The following DDX60 variants were observed in gnomAD, a reference collection of about 807,000 sequenced individuals.
The protein encoded by DDX60 is probable ATP-dependent RNA helicase DDX60.
DDX60 carries 165 observed loss-of-function variants against 212.8 expected under a neutral mutation model. That is an observed-to-expected ratio of 0.78 (90% CI 0.68 to 0.88). The LOEUF is 0.88. Among genes scored for constraint, DDX60 ranks in the 40% least tolerant of loss-of-function variants. The pLI is 0.00. For synonymous variants in DDX60, 703 were observed against 685.3 expected, an observed-to-expected ratio of 1.03 and a Z score of -0.40; for missense variants, 1,905 against 2,003.9, an observed-to-expected ratio of 0.95 and a Z score of 0.94.
intron 34 of DDX60, among the ~76,000 whole-genome samples, chr4:168,224,685 AT>A (rs1054109821): frequency 6.6e-6 from 1 of 152,052 alleles, no homozygotes; most frequent in African/African-American, 2.4e-5. Flanking sequence ...TCAGAGAATT[AT>A]TGTTATTACC....
intron 33 of DDX60, among the ~76,000 whole-genome samples, chr4:168,226,625 T>A (rs545615237): frequency 6.6e-6 from 1 of 152,198 alleles, no homozygotes; most frequent in East Asian, 1.9e-4. Context: ...TCAGGGTAAA[T>A]GGGGTATCCA....
At chr4:168,297,295 GACGAAAGAAAGA>G (rs1400040701) in intron 6 of DDX60, among the ~76,000 whole-genome samples, 1 of 89,582 alleles carries the variant, frequency 1.1e-5, no homozygotes, top group Middle Eastern at 5.1e-3. Flanking sequence ...GAGAGAGAGA[GACGAAAGAAAGA>G]AAGAAAGAAA....
intron 1 of DDX60, among the ~76,000 whole-genome samples, chr4:168,312,020 G>C (rs1737155612): frequency 6.6e-6 from 1 of 152,156 alleles, no homozygotes; most frequent in Admixed American, 6.6e-5. Context: ...ATGATAATTT[G>C]ATGTAATATA....
chr4:168,298,884 C>T (rs773310319), intron 6 of DDX60, among the ~76,000 whole-genome samples: 2 of 151,942 alleles, frequency 1.3e-5, no homozygotes, highest in South Asian at 2.1e-4. Context: ...TGAACGTAGC[C>T]GGGCACGGTG....
At chr4:168,290,328 CT>C (rs547452038) in intron 8 of DDX60, among the ~76,000 whole-genome samples, 33,836 of 123,900 alleles carry the variant, frequency 0.27, 3,470 homozygotes, top group African/African-American at 0.38. Context: ...CTTTTCTTTT[CT>C]TTTTTTTTTT....
intron 6 of DDX60, among the ~76,000 whole-genome samples, chr4:168,300,987 T>G (rs1466044831): frequency 1.3e-5 from 2 of 152,160 alleles, no homozygotes; most frequent in African/African-American, 2.4e-5. Flanking sequence ...AAGAGTTACC[T>G]GCTGAGTACA....
At position 168,284,762 on chromosome 4, in the gene DDX60, A is replaced by G. The variant is rs571677489; in HGVS notation, c.1561+58T>C. 34 of 846,554 alleles carry G rather than the reference A, an allele frequency of 4.0e-5. 1 individual carries two copies. In the South Asian group the frequency reaches 9.3e-4, roughly 23 times the overall value. The allele number at this position is 846,554 out of a possible 1,614,324, so 52.4% of individuals were successfully genotyped here. A position where few individuals can be genotyped will look rare whatever the true frequency, so the allele number is the denominator to read the frequency against. Reference sequence around the variant, plus strand: ...TCTTATGATAATTTTCCACTATAAAATAAGAGGCAGAGAGTAAAGTAGATT... The same window carrying G: ...TCTTATGATAATTTTCCACTATAAAGTAAGAGGCAGAGAGTAAAGTAGATT... On this transcript the variant is annotated intron_variant, in intron 12 of 37. Coordinates refer to ENST00000393743, the MANE Select transcript of DDX60 (RefSeq NM_017631.6).
At chr4:168,307,689 A>G (rs543691068) in intron 4 of DDX60, among the ~76,000 whole-genome samples, 9 of 152,294 alleles carry the variant, frequency 5.9e-5, no homozygotes, top group Admixed American at 2.6e-4. Flanking sequence ...TGAGTTTTGA[A>G]AACAGAAATA....
At chr4:168,250,017 G>T (rs1217436095) in intron 28 of DDX60, among the ~76,000 whole-genome samples, 1 of 152,060 alleles carries the variant, frequency 6.6e-6, no homozygotes, top group Non-Finnish European at 1.5e-5. Context: ...TATTACTAAA[G>T]ATCCAAATTT....
At chr4:168,232,612 G>A (rs998594957) in intron 33 of DDX60, among the ~76,000 whole-genome samples, 1 of 151,954 alleles carries the variant, frequency 6.6e-6, no homozygotes, top group African/African-American at 2.4e-5. Context: ...AATGGGGAAA[G>A]GACACCCTAT....
At chr4:168,288,143 G>T (rs1229197648) in intron 9 of DDX60, 31 bp downstream of exon 9, 46 of 1,331,562 alleles carry the variant, frequency 3.5e-5, no homozygotes, top group Non-Finnish European at 4.7e-5. Flanking sequence ...TCTGTGGATG[G>T]AAGTATGATT....
intron 30 of DDX60, among the ~76,000 whole-genome samples, chr4:168,242,410 G>A (rs72693120): frequency 0.059 from 8,919 of 152,306 alleles, 448 homozygotes; most frequent in East Asian, 0.15. Context: ...AGGCAGCCAG[G>A]AGGGGCACTA....
chr4:168,234,862 T>C (rs1357180590), intron 33 of DDX60, among the ~76,000 whole-genome samples: 2 of 152,124 alleles, frequency 1.3e-5, no homozygotes, highest in Admixed American at 1.3e-4. Context: ...TCAGTACAAG[T>C]ACAGACTGCA....
chr4:168,248,726 C>T (rs11732233), intron 28 of DDX60, among the ~76,000 whole-genome samples: 9,877 of 151,992 alleles, frequency 0.065, 466 homozygotes, highest in East Asian at 0.15. Context: ...CCACAGCATC[C>T]GTAAGAGTAC....
intron 13 of DDX60, 134 bp from the exon 14 acceptor site, chr4:168,280,724 CTT>C: frequency 9.7e-7 from 1 of 1,034,548 alleles, no homozygotes; most frequent in East Asian, 2.7e-5. Flanking sequence ...TGAAAAATTT[CTT>C]TTTTTCTTTT....
chr4:168,287,318 AT>A, intron 9 of DDX60, 115 bp from the exon 10 acceptor site: 1 of 939,138 alleles, frequency 1.1e-6, no homozygotes, highest in Non-Finnish European at 1.6e-6. Context: ...ACATAGTGAA[AT>A]TTTTAGTGAG....
Position 168,262,670 on chromosome 4 carries a change from C to T in DDX60, c.3144+13G>A. The T allele has an allele frequency of 1.3e-6, 2 of 1,528,326 alleles. No homozygotes were observed. Among genetic ancestry groups the T allele is most frequent in the Non-Finnish European group, 1.8e-6 (2 of 1,103,808 alleles). The allele number at this position is 1,528,326 out of a possible 1,614,324, so 94.7% of individuals were successfully genotyped here. On this transcript the variant is annotated intron_variant, in intron 23 of 37. Coordinates refer to ENST00000393743, the MANE Select transcript of DDX60 (RefSeq NM_017631.6). ...TCCTCTATAATAGGATTAATTACAT[C>T]ATTATTATTTACCTGGGCCCGAGGC...
At chr4:168,279,077 G>A (rs1343069697) in intron 14 of DDX60, among the ~76,000 whole-genome samples, 1 of 152,296 alleles carries the variant, frequency 6.6e-6, no homozygotes, top group East Asian at 1.9e-4. Context: ...CCTGGTACTA[G>A]GTGGCAATGC....
At chr4:168,234,308 C>T (rs1733557189) in intron 33 of DDX60, among the ~76,000 whole-genome samples, 2 of 151,948 alleles carry the variant, frequency 1.3e-5, no homozygotes, top group African/African-American at 2.4e-5. Flanking sequence ...CATTTTTCTC[C>T]ACCATTTTTT....
Sources: gnomAD v4.1 joint callset for allele counts (sites outside exome capture counted in the v4.1 genomes callset) on GRCh38, gnomAD v4.1.1 for gene constraint, MANE v1.5 for transcripts, NCBI Gene and HGNC (gene_info 2026-07-23, HGNC 2026-07-21) for gene names.